Variants in ZNF484 observed in about 807,000 individuals in gnomAD.
ZNF484 encodes zinc finger protein 484, also known as KRAB box containing C2H2 type zinc finger bA526D8.4.
ZNF484 carries 11 observed loss-of-function variants against 12.9 expected under a neutral mutation model. The observed-to-expected ratio is 0.85, with a 90% CI of 0.54 to 1.41. The LOEUF (loss-of-function observed/expected upper bound fraction) is 1.41, where lower values mean the gene tolerates loss of function less well. Ranked by LOEUF, ZNF484 falls within the 40% of genes most tolerant of loss-of-function variation. ZNF484 has a pLI of 0.00. For missense variants in ZNF484, 807 were observed against 1,007.7 expected (o/e 0.80, Z 2.70); for synonymous variants, 289 against 334.1 (o/e 0.86, Z 1.47).
intron 2 of ZNF484, among the ~76,000 whole-genome samples, chr9:92,856,821 A>C (rs1856493806): frequency 6.6e-6 from 1 of 152,152 alleles, no homozygotes; most frequent in African/African-American, 2.4e-5. Context: ...TCCTGGGTTC[A>C]CGCCATTCTC....
rs778906281 is a variant in ZNF484, at chr9:92,847,251, A to C, written c.1536T>G (p.Ile512Met). 6.2e-7 allele frequency: 1 copy of C among 1,614,012 alleles called. No individual in the cohort carries two copies. Among genetic ancestry groups the C allele is most frequent in the Admixed American group, 1.7e-5 (1 of 60,008 alleles). The change falls in exon 5 of 5, where the codon ATT becomes ATG. Residue 512 changes from isoleucine to methionine, a missense_variant. Transcript: ENST00000375495. ...CTCCAGTATGAATTTTTTGGTGCTT[A>C]ATGAGATTTGACCTGTCAGTAAAGG... ...GKAFTDRSNL[I>M]KHQKIHTGEK...
chr9:92,860,918 G>A (rs1258142119), intron 2 of ZNF484, among the ~76,000 whole-genome samples: 1 of 152,062 alleles, frequency 6.6e-6, no homozygotes, highest in Non-Finnish European at 1.5e-5. Context: ...TATAAAAAGG[G>A]GTTCTTTAAA....
chr9:92,862,348 C>G (rs1856829088), intron 2 of ZNF484, among the ~76,000 whole-genome samples: 1 of 151,840 alleles, frequency 6.6e-6, no homozygotes, highest in Admixed American at 6.6e-5. Context: ...CAACAACTTT[C>G]TAAGATATTA....
At chr9:92,862,055 A>C in intron 2 of ZNF484, 1 of 614,866 alleles carries the variant, frequency 1.6e-6, no homozygotes. Flanking sequence ...CTGAAGAGAA[A>C]GAGCTGTCAA....
chr9:92,875,790 T>A (rs1396217035), intron 1 of ZNF484, among the ~76,000 whole-genome samples: 1 of 152,052 alleles, frequency 6.6e-6, no homozygotes, highest in Non-Finnish European at 1.5e-5. Flanking sequence ...AGGAACTCAA[T>A]CAATGAACAA....
chr9:92,846,901 A>G lies in ZNF484; in HGVS notation c.1886T>C (p.Ile629Thr). The G allele has an allele frequency of 6.2e-7, 1 of 1,613,998 alleles. No homozygotes were observed. The highest frequency in any genetic ancestry group is 8.5e-7 in the Non-Finnish European group (1 of 1,180,002). ...CCTATAGGGTTTCTCTCCTGTGTGA[A>G]TCTGCTGATGTACGTGGAGCTGTGA... is the stretch of plus-strand genomic sequence containing the variant. ...KKSQLHVHQQ[I>T]HTGEKPYRCA... The change falls in exon 5 of 5, where the codon ATT becomes ACT. Residue 629 changes from isoleucine to threonine, a missense_variant. Transcript: ENST00000375495.
chr9:92,876,926 CT>C (rs1297407706), intron 1 of ZNF484, among the ~76,000 whole-genome samples: 26 of 152,076 alleles, frequency 1.7e-4, no homozygotes, highest in Admixed American at 3.9e-4. Context: ...TATAATTTTT[CT>C]TTTATATCTG....
rs1210970644 is a variant in ZNF484 at position 92,846,675 on chromosome 9, T to A, written c.2112A>T (p.Lys704Asn). The A allele has an allele frequency of 6.2e-7, 1 of 1,613,870 alleles. No individual in the cohort carries two copies. The change falls in exon 5 of 5, where the codon AAA (lysine) becomes AAT (asparagine). Residue 704 changes from lysine to asparagine, a missense_variant. Physicochemically the swap from Lys to Asn is moderately conservative, Grantham distance 94. Transcript: ENST00000375495. ...CSECGKAFAR[K>N]STLIMHQRIH... The stretch of plus-strand genomic sequence containing the variant: ...TTCTCTGATGCATAATTAGTGTTGA[T>A]TTTCTTGCAAAGGCTTTCCCACATT...
At chr9:92,862,174 A>T in intron 2 of ZNF484, 1 of 968,544 alleles carries the variant, frequency 1.0e-6, no homozygotes, top group Non-Finnish European at 1.2e-6. Context: ...GTCTGAAAAA[A>T]AAAATAAAAA....
At position 92,878,022 on chromosome 9, in the gene ZNF484, T is replaced by G. The variant is rs975893502; in HGVS notation, c.-163A>C. On this transcript the variant is annotated 5_prime_UTR_variant, in exon 1 of 5. Coordinates refer to ENST00000375495, the MANE Select transcript of ZNF484 (RefSeq NM_031486.4). ...GGCCTAGAGGTACTTCTTACAGCGC[T>G]GCCTGGGTTTGCGCATGCTCAGCAG... is the stretch of plus-strand genomic sequence containing the variant. The G allele has an allele frequency of 1.5e-5, 10 of 649,106 alleles. No individual in the cohort carries two copies. In the African/African-American group the frequency reaches 1.7e-4, roughly 11 times the overall value. The allele number at this position is 649,106 out of a possible 1,614,324, so 40.2% of individuals were successfully genotyped here.
At chr9:92,852,262 ATG>A (rs1856137307) in intron 4 of ZNF484, among the ~76,000 whole-genome samples, 2 of 152,134 alleles carry the variant, frequency 1.3e-5, no homozygotes, top group African/African-American at 4.8e-5. Context: ...AGCACAAAAT[ATG>A]TGTATTATTT....
rs374160184 is a variant in ZNF484, at chr9:92,855,911, C to G, written c.143-8G>C. 5 of 1,613,648 alleles carry G rather than the reference C, an allele frequency of 3.1e-6. No individual in the cohort carries two copies. In the African/African-American group the frequency reaches 6.7e-5, roughly 22 times the overall value. ...GTTTGGGAACTTGACATCCTGTTAA[C>G]AGGGGATGATAGAGGACTTGATTTC... On this transcript the variant is annotated splice_polypyrimidine_tract_variant and splice_region_variant and intron_variant, in intron 3 of 4. Transcript: ENST00000375495.
chr9:92,876,586 TAAA>T (rs558898831), intron 1 of ZNF484, among the ~76,000 whole-genome samples: 36 of 152,306 alleles, frequency 2.4e-4, no homozygotes, highest in African/African-American at 8.7e-4. Context: ...AATTCGATGT[TAAA>T]AAGTGTTTTT....
intron 4 of ZNF484, 88 bp downstream of exon 4, chr9:92,855,723 T>C: frequency 1.6e-6 from 2 of 1,232,854 alleles, no homozygotes; most frequent in Non-Finnish European, 2.3e-6. Flanking sequence ...TAATGACACA[T>C]CAAAGTTGGG....
intron 2 of ZNF484, among the ~76,000 whole-genome samples, chr9:92,860,465 A>G (rs1459460137): frequency 6.6e-6 from 1 of 152,002 alleles, no homozygotes; most frequent in African/African-American, 2.4e-5. Flanking sequence ...TTAGCCGGGC[A>G]TGGTGGCGGG....
At chr9:92,851,704 A>G (rs1045845899) in intron 4 of ZNF484, among the ~76,000 whole-genome samples, 14 of 152,216 alleles carry the variant, frequency 9.2e-5, no homozygotes, top group Admixed American at 9.2e-4. Context: ...TATTTTATCA[A>G]TGAACCCAAA....
At chr9:92,855,769 G>A (rs1856397415) in intron 4 of ZNF484, 42 bp downstream of exon 4, 2 of 1,580,508 alleles carry the variant, frequency 1.3e-6, no homozygotes, top group Non-Finnish European at 1.7e-6. Flanking sequence ...TACAAATGCA[G>A]CTGAGTCATA....
rs1465096863 is a variant in ZNF484 at position 92,847,246 on chromosome 9, T to C, written c.1541A>G (p.His514Arg). ...AFTDRSNLIK[H>R]QKIHTGEKPY... The stretch of plus-strand genomic sequence containing the variant: ...TTTCTCTCCAGTATGAATTTTTTGG[T>C]GCTTAATGAGATTTGACCTGTCAGT... The change falls in exon 5 of 5, where the codon CAC (histidine) becomes CGC (arginine). Residue 514 changes from histidine (H) to arginine (R), a missense_variant. By Grantham distance (29) the His-to-Arg change is conservative (BLOSUM62 0). Transcript: ENST00000375495. 6 of 1,614,180 alleles carry C rather than the reference T, an allele frequency of 3.7e-6. No homozygotes were observed. Among genetic ancestry groups the C allele is most frequent in the Non-Finnish European group, 5.1e-6 (6 of 1,180,038 alleles).
rs760709404 is a variant in ZNF484 at position 92,846,550 on chromosome 9, T to C, written c.2237A>G (p.Lys746Arg). ...NRHRRIHTGE[K>R]PYECSDCGKS... ...GCCACAGTCACTGCATTCATAGGGT[T>C]TCTCTCCAGTATGAATTCTCCTGTG... Residue 746 changes from lysine to arginine, a missense_variant, in exon 5 of 5, where the codon AAA (lysine) becomes AGA (arginine). Transcript: ENST00000375495. 34 of 1,613,924 alleles carry C rather than the reference T, an allele frequency of 2.1e-5. No homozygotes were observed. The highest frequency in any genetic ancestry group is 2.7e-5 in the Non-Finnish European group (32 of 1,179,970).
Sources: allele counts gnomAD v4.1 joint callset (sites outside exome capture counted in the v4.1 genomes callset), GRCh38; gene constraint gnomAD v4.1.1; transcripts MANE v1.5; gene names NCBI Gene and HGNC (gene_info 2026-07-23, HGNC 2026-07-21).